EPM2A: variants seen among roughly 807,000 people sequenced by gnomAD.
EPM2A encodes laforin.
In EPM2A, 21 loss-of-function variants were observed where a neutral mutation model predicts 26.5. The ratio of observed to expected loss-of-function variants is 0.79; its 90% CI spans 0.56 to 1.14. The LOEUF is 1.14. Ranked by LOEUF, EPM2A falls within the 50% of genes most tolerant of loss-of-function variation. The pLI is 0.00. For synonymous variants in EPM2A, 217 were observed against 177.6 expected (o/e 1.22, Z -1.76); for missense variants, 458 against 440.8 (o/e 1.04, Z -0.35).
At chr6:145,446,696 C>T (rs1288051177) in intron 4 of EPM2A, among the ~76,000 whole-genome samples, 1 of 151,972 alleles carries the variant, frequency 6.6e-6, no homozygotes, top group Non-Finnish European at 1.5e-5. Context: ...CTCCTCTTGC[C>T]TTTTGAGCCT....
At chr6:145,720,738 TAC>T (rs1292282419) in intron 1 of EPM2A, among the ~76,000 whole-genome samples, 3 of 152,230 alleles carry the variant, frequency 2.0e-5, no homozygotes, top group Non-Finnish European at 2.9e-5. Flanking sequence ...CTTCCTAACA[TAC>T]AGAGTTCATA....
intron 1 of EPM2A, among the ~76,000 whole-genome samples, chr6:145,690,830 A>G (rs535182652): frequency 1.2e-4 from 19 of 152,154 alleles, no homozygotes; most frequent in Non-Finnish European, 2.5e-4. Context: ...TTAGAACTGA[A>G]AAACACAATA....
chr6:145,633,716 C>T (rs1247108398), intron 3 of EPM2A: 1 of 152,224 alleles, frequency 6.6e-6, no homozygotes, highest in Non-Finnish European at 1.5e-5. Flanking sequence ...AGACAAGCTA[C>T]TTCCCTTGCA....
downstream of EPM2A, among the ~76,000 whole-genome samples, chr6:145,499,093 A>C (rs1415012216): frequency 6.6e-6 from 1 of 152,164 alleles, no homozygotes; most frequent in Non-Finnish European, 1.5e-5. Flanking sequence ...CTAAACTTTT[A>C]AAAATACAAA....
chr6:145,631,753 G>A (rs1776266651), intron 3 of EPM2A: 1 of 152,050 alleles, frequency 6.6e-6, no homozygotes, highest in East Asian at 1.9e-4. Flanking sequence ...GTAGCCTGAG[G>A]TATTAGGGCC....
chr6:145,697,120 G>A (rs181911908), intron 1 of EPM2A, among the ~76,000 whole-genome samples: 9 of 152,210 alleles, frequency 5.9e-5, no homozygotes, highest in South Asian at 2.1e-4. Context: ...GATATTTCAC[G>A]TAGGTTCTTT....
chr6:145,395,809 C>A (rs968871248), intron 4 of EPM2A, among the ~76,000 whole-genome samples: 4 of 152,158 alleles, frequency 2.6e-5, no homozygotes, highest in Non-Finnish European at 5.9e-5. Context: ...ATCTGGTACG[C>A]TGATGAGTCT....
chr6:145,526,118 C>A (rs1336173451), intron 2 of EPM2A, among the ~76,000 whole-genome samples: 2 of 151,956 alleles, frequency 1.3e-5, no homozygotes, highest in Non-Finnish European at 2.9e-5. Flanking sequence ...TATACTGAAC[C>A]ATCCTTGCAT....
At chr6:145,451,091 G>A (rs1033973320) in intron 4 of EPM2A, among the ~76,000 whole-genome samples, 1 of 152,140 alleles carries the variant, frequency 6.6e-6, no homozygotes, top group Non-Finnish European at 1.5e-5. Context: ...TGTTGTCAAT[G>A]ATACGGTTTA....
chr6:145,607,706 T>C (rs184630007), intron 2 of EPM2A, among the ~76,000 whole-genome samples: 1 of 152,160 alleles, frequency 6.6e-6, no homozygotes, highest in African/African-American at 2.4e-5. Flanking sequence ...AACACTAGCC[T>C]GTGGCTTGAA....
At chr6:145,736,008 C>G (rs1583158508), upstream of EPM2A, 2 of 152,124 alleles carry the variant, frequency 1.3e-5, no homozygotes, top group East Asian at 3.9e-4. Context: ...TAGCAGGTCT[C>G]AGGTTCTTTG....
rs9376957 is a variant in EPM2A, at chr6:145,689,928, C to A, written c.302-3632G>T. On this transcript the variant is annotated intron_variant, in intron 1 of 3. Transcript: ENST00000367519. Reference sequence around the variant, plus strand: ...AGGTGCCCCTTCTTTCCACTGAGATCGTGACAAAGGTGACCTAGTGGAAAG... The same window carrying A: ...AGGTGCCCCTTCTTTCCACTGAGATAGTGACAAAGGTGACCTAGTGGAAAG... Among the ~76,000 whole-genome samples, 3 of 151,914 alleles carry A rather than the reference C, an allele frequency of 2.0e-5. No homozygotes were observed. The South Asian group carries it at 6.2e-4, about 32-fold the overall frequency.
rs974276214 is a variant in EPM2A, at chr6:145,419,558, CT to C, written c.556-35462del. 5.0e-4 allele frequency among the ~76,000 whole-genome samples: 76 copies of C among 152,284 alleles called. 1 individual carries two copies. Among genetic ancestry groups the C allele is most frequent in the African/African-American group, 1.7e-3 (71 of 41,580 alleles). On this transcript the variant is annotated intron_variant, in intron 4 of 4. Coordinates refer to the EPM2A transcript ENST00000638717. ...AATGTATTGGTTAGAAATCGTGAGA[CT>C]CCTCATATTTTTATTCTCTAGCACA...
chr6:145,564,681 T>C (rs933323039), intron 2 of EPM2A, among the ~76,000 whole-genome samples: 1 of 150,580 alleles, frequency 6.6e-6, no homozygotes, highest in African/African-American at 2.4e-5. Flanking sequence ...AGTATGGAGA[T>C]GGCCTCAGGC....
At chr6:145,657,121 G>C (rs1315323571) in intron 2 of EPM2A, among the ~76,000 whole-genome samples, 1 of 137,960 alleles carries the variant, frequency 7.2e-6, no homozygotes, top group African/African-American at 2.7e-5. Flanking sequence ...ATGGAGTCCT[G>C]CTCTGTCACC....
chr6:145,492,996 C>A (rs1779773998), intron 4 of EPM2A, among the ~76,000 whole-genome samples: 1 of 152,216 alleles, frequency 6.6e-6, no homozygotes, highest in Non-Finnish European at 1.5e-5. Context: ...CCCAGAATTT[C>A]TCTGCCTCCT....
intron 1 of EPM2A, among the ~76,000 whole-genome samples, chr6:145,707,682 G>A (rs1284668109): frequency 6.6e-6 from 1 of 152,166 alleles, no homozygotes; most frequent in Non-Finnish European, 1.5e-5. Context: ...TGATTGTGAG[G>A]CGTCCTCAGC....
chr6:145,691,457 C>A (rs1032799096), intron 1 of EPM2A, among the ~76,000 whole-genome samples: 2 of 151,840 alleles, frequency 1.3e-5, no homozygotes, highest in Non-Finnish European at 2.9e-5. Context: ...AAAATTTTGC[C>A]GCTGAATTAT....
At chr6:145,688,043 T>G (rs140386071) in intron 1 of EPM2A, among the ~76,000 whole-genome samples, 1 of 152,248 alleles carries the variant, frequency 6.6e-6, no homozygotes, top group East Asian at 1.9e-4. Context: ...GTAAACCATA[T>G]AAGTTTTTTT....
Sources: gnomAD v4.1 joint callset for allele counts (sites outside exome capture counted in the v4.1 genomes callset) on GRCh38, gnomAD v4.1.1 for gene constraint, MANE v1.5 for transcripts, NCBI Gene and HGNC (gene_info 2026-07-23, HGNC 2026-07-21) for gene names.